The following TOP1 variants were observed in gnomAD, a reference collection of about 807,000 sequenced individuals.
TOP1 encodes the protein DNA topoisomerase I.
A neutral mutation model predicts 111.1 loss-of-function variants in TOP1; 10 were observed. The observed-to-expected ratio is 0.09, with a 90% CI of 0.06 to 0.15. The LOEUF is 0.15. Among genes scored for constraint, TOP1 ranks in the 10% least tolerant of loss-of-function variants. The pLI, the probability that TOP1 is intolerant of heterozygous loss-of-function variation, is 1.00. For synonymous variants in TOP1, 271 were observed against 302.9 expected, an observed-to-expected ratio of 0.89 and a Z score of 1.10; for missense variants, 474 against 926.7, an observed-to-expected ratio of 0.51 and a Z score of 6.34.
rs1300792359 is a variant in TOP1 at position 41,115,040 on chromosome 20, ATAAG to A, written c.1639-324_1639-321del. Among the ~76,000 whole-genome samples, 3 of 152,196 alleles carry A rather than the reference ATAAG, an allele frequency of 2.0e-5. No individual in the cohort carries two copies. The highest frequency in any genetic ancestry group is 2.9e-5 in the Non-Finnish European group (2 of 68,030). On this transcript the variant is annotated intron_variant, in intron 15 of 20. Coordinates refer to ENST00000361337, the MANE Select transcript of TOP1 (RefSeq NM_003286.4). This position sits in a 1 kb window ranked among gnomAD's most constrained non-coding sequence, Gnocchi z 6.3. ...ACACTGAAATGTTTAGGACCATATT[ATAAG>A]TAAGTACTTATAAATGTACTTTAGG...
intron 3 of TOP1, among the ~76,000 whole-genome samples, chr20:41,074,710 T>C (rs904522836): frequency 2.7e-4 from 41 of 152,216 alleles, no homozygotes; most frequent in African/African-American, 9.6e-4. Flanking sequence ...TTTCTCCCTT[T>C]GTGATCTTCT....
intron 18 of TOP1, among the ~76,000 whole-genome samples, chr20:41,120,834 C>T (rs183971671): frequency 1.8e-3 from 277 of 152,282 alleles, no homozygotes; most frequent in African/African-American, 6.4e-3. Context: ...CTCTGCCTCC[C>T]GGGTTCATGC....
rs745599678 is a variant in TOP1, at chr20:41,116,950, C to T, written c.1822+558C>T. ...GCCTTAGAATATGAACCAGAAAAGC[C>T]AGAGGTAGGTATGTTGAGGGTCAGT... On this transcript the variant is annotated intron_variant, in intron 17 of 20. Transcript: ENST00000361337. The surrounding 1 kb of genome is among the most constrained non-coding windows in gnomAD (Gnocchi z 5.6). Among the ~76,000 whole-genome samples, 4 of 152,050 alleles carry T rather than the reference C, an allele frequency of 2.6e-5. No individual in the cohort carries two copies. The highest frequency in any genetic ancestry group is 4.8e-5 in the African/African-American group (2 of 41,376).
Position 41,115,524 on chromosome 20 carries a change from T to C in TOP1, c.1707+85T>C, listed in dbSNP as rs1329132609. ...AAGGGGAGGGTTGCTGGCAGATGAC[T>C]TGGGCTCTCCCTTTAGCCTGGCCTG... On this transcript the variant is annotated intron_variant, in intron 16 of 20. Coordinates refer to ENST00000361337, the MANE Select transcript of TOP1 (RefSeq NM_003286.4). This position sits in a 1 kb window ranked among gnomAD's most constrained non-coding sequence, Gnocchi z 6.3. The C allele has an allele frequency of 1.9e-6, 2 of 1,041,090 alleles. No homozygotes were observed. Among genetic ancestry groups the C allele is most frequent in the Non-Finnish European group, 3.0e-6 (2 of 666,164 alleles). The allele number at this position is 1,041,090 out of a possible 1,614,324, so 64.5% of individuals were successfully genotyped here. A position where few individuals can be genotyped will look rare whatever the true frequency, so the allele number is the denominator to read the frequency against.
Position 41,116,181 on chromosome 20 carries a change from C to CA in TOP1, c.1708-95dup. On this transcript the variant is annotated intron_variant, in intron 16 of 20. Transcript: ENST00000361337. This position sits in a 1 kb window ranked among gnomAD's most constrained non-coding sequence, Gnocchi z 5.6. Reference sequence around the variant, plus strand: ...CCCACTTGTAGGGCAATAAACTTGACAAGATTGTGACTGCACTGGCATAAA... The same window carrying CA: ...CCCACTTGTAGGGCAATAAACTTGACAAAGATTGTGACTGCACTGGCATAAA... 1 of 739,544 alleles carries CA rather than the reference C, an allele frequency of 1.4e-6. No individual in the cohort carries two copies. Among genetic ancestry groups the CA allele is most frequent in the Admixed American group, 2.4e-5 (1 of 42,388 alleles). The allele number at this position is 739,544 out of a possible 1,614,324, so 45.8% of individuals were successfully genotyped here.
In TOP1 at chr20:41,061,381, C is replaced by G. The variant is rs1395681040; in HGVS notation, c.59-13C>G. 2 of 1,613,098 alleles carry G rather than the reference C, an allele frequency of 1.2e-6. No homozygotes were observed. Among genetic ancestry groups the G allele is most frequent in the Non-Finnish European group, 1.7e-6 (2 of 1,179,352 alleles). ...ATGACTCCTGTTAACTGACTCATCT[C>G]TTATGGTTGCAGATTCTCATAAACA... On this transcript the variant is annotated splice_polypyrimidine_tract_variant and intron_variant, in intron 2 of 20. Coordinates refer to ENST00000361337, the MANE Select transcript of TOP1 (RefSeq NM_003286.4). The surrounding 1 kb of genome is among the most constrained non-coding windows in gnomAD (Gnocchi z 4.6).
intron 2 of TOP1, among the ~76,000 whole-genome samples, chr20:41,044,374 A>G (rs925200400): frequency 1.3e-5 from 2 of 152,252 alleles, no homozygotes; most frequent in Non-Finnish European, 1.5e-5. Flanking sequence ...GTTGTCTTCT[A>G]TTAAGAGAGC....
In TOP1 at chr20:41,123,167, C is replaced by T. The variant is rs780913269; in HGVS notation, c.2196-28C>T. The T allele has an allele frequency of 6.6e-7, 1 of 1,517,050 alleles. No homozygotes were observed. The highest frequency in any genetic ancestry group is 1.1e-5 in the South Asian group (1 of 88,732). 94.0% of individuals were successfully genotyped at this position (1,517,050 alleles called of 1,614,324 possible). ...TGGGCCATTGCTGAGTCACCCTAAT[C>T]CCCCCCTTATTTCTCCTTTGTTTGC... is the stretch of plus-strand genomic sequence containing the variant. On this transcript the variant is annotated intron_variant, in intron 20 of 20. Coordinates refer to ENST00000361337, the MANE Select transcript of TOP1 (RefSeq NM_003286.4). The surrounding 1 kb of genome is among the most constrained non-coding windows in gnomAD (Gnocchi z 5.8).
At chr20:41,084,277 A>G (rs1355111902) in intron 7 of TOP1, among the ~76,000 whole-genome samples, 185 bp from the exon 8 acceptor site, 2 of 152,144 alleles carry the variant, frequency 1.3e-5, no homozygotes, top group African/African-American at 4.8e-5. Context: ...AAATTTTAGG[A>G]AATACTGCTG....
rs907515965 is a variant in TOP1, at chr20:41,029,648, C to G, written c.58+193C>G. The G allele has an allele frequency of 3.0e-6, 2 of 671,216 alleles. No homozygotes were observed. The highest frequency in any genetic ancestry group is 2.2e-5 in the Admixed American group (1 of 46,116). The allele number at this position is 671,216 out of a possible 1,614,324, so 41.6% of individuals were successfully genotyped here. On this transcript the variant is annotated intron_variant, in intron 2 of 20. Coordinates refer to ENST00000361337, the MANE Select transcript of TOP1 (RefSeq NM_003286.4). This position sits in a 1 kb window ranked among gnomAD's most constrained non-coding sequence, Gnocchi z 6.1. ...CGGGGACCCCAGCTCCTCCAGATCC[C>G]GGCCCTCCCAAGAGGGGACAACGGA...
At chr20:41,072,463 A>C in intron 3 of TOP1, 1 of 985,462 alleles carries the variant, frequency 1.0e-6, no homozygotes, top group Non-Finnish European at 1.2e-6. Context: ...TGGATGAGTC[A>C]GCCTGACTGA....
intron 4 of TOP1, 55 bp downstream of exon 4, chr20:41,076,349 T>C: frequency 1.1e-5 from 17 of 1,553,566 alleles, no homozygotes; most frequent in Non-Finnish European, 1.5e-5. Context: ...TTGTTTACCT[T>C]TGAAAGCAGA....
chr20:41,120,990 C>T (rs1478059228), intron 18 of TOP1, among the ~76,000 whole-genome samples: 1 of 152,248 alleles, frequency 6.6e-6, no homozygotes, highest in Non-Finnish European at 1.5e-5. Flanking sequence ...ATCCGCCCTC[C>T]TCAGCCTCCC....
In TOP1 at chr20:41,057,325, T is replaced by G. The variant is rs549061848; in HGVS notation, c.59-4069T>G. ...TGAACCCGGGAGGCTGAGGTTGCAG[T>G]GAGCCGAGATCACACCACTGCACTC... On this transcript the variant is annotated intron_variant, in intron 2 of 20. Coordinates refer to ENST00000361337, the MANE Select transcript of TOP1 (RefSeq NM_003286.4). Among the ~76,000 whole-genome samples the G allele has an allele frequency of 1.2e-4, 18 of 150,904 alleles. No individual in the cohort carries two copies. In the South Asian group the frequency reaches 3.2e-3, roughly 27 times the overall value.
Position 41,112,944 on chromosome 20 carries a change from C to G in TOP1, c.1452+19C>G. On this transcript the variant is annotated intron_variant, in intron 14 of 20. Transcript: ENST00000361337. This position sits in a 1 kb window ranked among gnomAD's most constrained non-coding sequence, Gnocchi z 5.8. ...CGACAAGGTGAGAGCATCTTCCCAT[C>G]GGCATTGTCTAGTGTTGAGCTTAAC... is the stretch of plus-strand genomic sequence containing the variant. The G allele has an allele frequency of 6.2e-7, 1 of 1,612,208 alleles. No homozygotes were observed. The highest frequency in any genetic ancestry group is 8.5e-7 in the Non-Finnish European group (1 of 1,178,818).
chr20:41,086,987 G>A (rs2033856745), intron 8 of TOP1, among the ~76,000 whole-genome samples: 1 of 152,144 alleles, frequency 6.6e-6, no homozygotes, highest in African/African-American at 2.4e-5. Flanking sequence ...GACCTAGTCG[G>A]GGAGTTAAAT....
At chr20:41,073,005 G>A in intron 3 of TOP1, 2 of 985,386 alleles carry the variant, frequency 2.0e-6, no homozygotes, top group Non-Finnish European at 2.4e-6. Context: ...ACTCTAGCAG[G>A]AACTTTGAAT....
rs1167100508 is a variant in TOP1, at chr20:41,057,593, G to C, written c.59-3801G>C. On this transcript the variant is annotated intron_variant, in intron 2 of 20. Coordinates refer to ENST00000361337, the MANE Select transcript of TOP1 (RefSeq NM_003286.4). ...ATAAAAGTAATTGTGGGGAAAACTA[G>C]AAAACAAGATGAAGTATATGCACAA... is the stretch of plus-strand genomic sequence containing the variant. Among the ~76,000 whole-genome samples the C allele has an allele frequency of 3.3e-5, 5 of 152,114 alleles. No individual in the cohort carries two copies. In the South Asian group the frequency reaches 6.2e-4, roughly 19 times the overall value.
At position 41,057,372 on chromosome 20, in the gene TOP1, ACT is replaced by A. The variant is rs961358617; in HGVS notation, c.59-4019_59-4018del. 4.9e-4 allele frequency among the ~76,000 whole-genome samples: 74 copies of A among 151,418 alleles called. 1 individual carries two copies. The highest frequency in any genetic ancestry group is 1.8e-3 in the African/African-American group (73 of 41,106). On this transcript the variant is annotated intron_variant, in intron 2 of 20. Coordinates refer to ENST00000361337, the MANE Select transcript of TOP1 (RefSeq NM_003286.4). The stretch of plus-strand genomic sequence containing the variant: ...ACTCCAGCCTGGGTGACAGAGTGAG[ACT>A]CTGTCTCCAAAAAAAATAAAAAAAA...
Sources: gnomAD v4.1 joint callset for allele counts (sites outside exome capture counted in the v4.1 genomes callset) on GRCh38, gnomAD v4.1.1 for gene constraint, Gnocchi (gnomAD v3.1) non-coding constraint, MANE v1.5 for transcripts, NCBI Gene and HGNC (gene_info 2026-07-23, HGNC 2026-07-21) for gene names.